ATG16L1: variants seen among roughly 807,000 people sequenced by gnomAD.
ATG16L1 encodes the protein autophagy related 16 like 1, also known as autophagy-related protein 16-1.
Under a neutral mutation model 88.5 loss-of-function variants are expected in ATG16L1, and 37 were observed. That is an observed-to-expected ratio of 0.42 (90% confidence interval 0.32 to 0.55). ATG16L1 has a LOEUF of 0.55. Among genes scored for constraint, ATG16L1 ranks in the 20% least tolerant of loss-of-function variants. ATG16L1 has a pLI of 0.13. For synonymous variants in ATG16L1, 301 were observed against 281.0 expected, an observed-to-expected ratio of 1.07 and a Z score of -0.71; for missense variants, 554 against 752.8, an observed-to-expected ratio of 0.74 and a Z score of 3.09.
chr2:233,295,116 G>T lies in ATG16L1; in HGVS notation c.*766G>T, dbSNP rs2125308713. 1 of 152,748 alleles carries T rather than the reference G, an allele frequency of 6.5e-6. No individual in the cohort carries two copies. Among genetic ancestry groups the T allele is most frequent in the East Asian group, 1.9e-4 (1 of 5,316 alleles). The allele number at this position is 152,748 out of a possible 1,614,324, so 9.5% of individuals were successfully genotyped here. The stretch of plus-strand genomic sequence containing the variant: ...GACACCCAGAAGGTGGGTGCACACT[G>T]CATGCTTGGGGGTGCCAAGGGATTC... On this transcript the variant is annotated 3_prime_UTR_variant, in exon 18 of 18. Transcript: ENST00000392017.
intron 5 of ATG16L1, among the ~76,000 whole-genome samples, chr2:233,268,945 A>G (rs1402299209): frequency 6.6e-6 from 1 of 152,202 alleles, no homozygotes; most frequent in East Asian, 1.9e-4. Context: ...CTAGAGTTCT[A>G]CATTAGGGGT....
intron 1 of ATG16L1, among the ~76,000 whole-genome samples, chr2:233,253,340 GTTTTTTTTTTT>G (rs56151049): frequency 9.2e-6 from 1 of 108,660 alleles, no homozygotes; most frequent in Non-Finnish European, 1.8e-5. Context: ...GGGTTTTTTT[GTTTTTTTTTTT>G]TTTTTTTTTT....
chr2:233,293,185 A>G (rs1699580386), intron 16 of ATG16L1, 71 bp from the exon 17 acceptor site: 1 of 1,326,880 alleles, frequency 7.5e-7, no homozygotes, highest in African/African-American at 1.4e-5. Flanking sequence ...CCTTCTTGGG[A>G]AAAAGGCCAC....
intron 2 of ATG16L1, among the ~76,000 whole-genome samples, chr2:233,261,943 A>T (rs947406422): frequency 1.3e-5 from 2 of 152,214 alleles, no homozygotes; most frequent in Admixed American, 6.5e-5. Context: ...TCTACATGTT[A>T]GCCTCCAGCT....
At chr2:233,282,228 A>G (rs1241734774) in intron 11 of ATG16L1, among the ~76,000 whole-genome samples, 1 of 152,222 alleles carries the variant, frequency 6.6e-6, no homozygotes, top group Non-Finnish European at 1.5e-5. Context: ...GTGCTTCTGC[A>G]GAGATGCAGA....
chr2:233,257,520 T>G (rs1696876653), intron 2 of ATG16L1, among the ~76,000 whole-genome samples: 1 of 152,206 alleles, frequency 6.6e-6, no homozygotes, highest in African/African-American at 2.4e-5. Context: ...TAGGCTAATG[T>G]AAGTGTAACC....
intron 1 of ATG16L1, among the ~76,000 whole-genome samples, chr2:233,255,035 G>A (rs779065842): frequency 2.0e-5 from 3 of 151,842 alleles, no homozygotes; most frequent in Non-Finnish European, 2.9e-5. Flanking sequence ...GTGCAGTGGC[G>A]CGATCTCAGC....
At chr2:233,276,561 A>G (rs1376164885) in intron 9 of ATG16L1, among the ~76,000 whole-genome samples, 1 of 152,174 alleles carries the variant, frequency 6.6e-6, no homozygotes, top group African/African-American at 2.4e-5. Flanking sequence ...TGCAGTCTCA[A>G]CCTTGGGCTG....
At chr2:233,289,801 A>G (rs1208278601) in intron 12 of ATG16L1, 53 bp from the exon 13 acceptor site, 11 of 1,598,542 alleles carry the variant, frequency 6.9e-6, no homozygotes, top group Non-Finnish European at 9.4e-6. Flanking sequence ...CTTTGCCAGC[A>G]TAGGCAGGGC....
At chr2:233,285,296 G>A (rs564978972) in intron 12 of ATG16L1, among the ~76,000 whole-genome samples, 1 of 152,346 alleles carries the variant, frequency 6.6e-6, no homozygotes, top group East Asian at 1.9e-4. Flanking sequence ...AGGAGAAGAG[G>A]AAGAAGTTGA....
intron 12 of ATG16L1, among the ~76,000 whole-genome samples, chr2:233,283,855 GT>G (rs1698894220): frequency 7.4e-6 from 1 of 135,856 alleles, no homozygotes; most frequent in Non-Finnish European, 1.6e-5. Flanking sequence ...TTCTTTTTTT[GT>G]TTTTTGAAGG....
At chr2:233,286,621 C>CTTTTTTT (rs10676895) in intron 12 of ATG16L1, among the ~76,000 whole-genome samples, 11 of 93,294 alleles carry the variant, frequency 1.2e-4, no homozygotes, top group African/African-American at 3.7e-4. Context: ...GAAGCCCAAA[C>CTTTTTTT]TTTTTTTTTT....
intron 12 of ATG16L1, among the ~76,000 whole-genome samples, chr2:233,284,864 T>G (rs1001337991): frequency 6.6e-6 from 1 of 152,218 alleles, no homozygotes; most frequent in African/African-American, 2.4e-5. Context: ...GAGGGTTGTA[T>G]AGATTATTAG....
At chr2:233,275,358 A>G (rs983335716) in intron 9 of ATG16L1, 3 of 231,052 alleles carry the variant, frequency 1.3e-5, no homozygotes, top group Non-Finnish European at 2.6e-5. Flanking sequence ...GGAAACATTC[A>G]GTACCTGGCT....
chr2:233,267,990 A>G (rs141423315), intron 5 of ATG16L1, among the ~76,000 whole-genome samples: 35 of 152,244 alleles, frequency 2.3e-4, no homozygotes, highest in African/African-American at 7.9e-4. Context: ...TTCCTGCGTC[A>G]TTACCCACTT....
At chr2:233,260,143 C>T (rs537205810) in intron 2 of ATG16L1, among the ~76,000 whole-genome samples, 2 of 152,318 alleles carry the variant, frequency 1.3e-5, no homozygotes, top group Admixed American at 6.5e-5. Flanking sequence ...CCTAATTAAC[C>T]GTAAAACACT....
At position 233,273,483 on chromosome 2, in the gene ATG16L1, A is replaced by G. The variant is rs528189345; in HGVS notation, c.795-238A>G. 2.1e-4 allele frequency: 116 copies of G among 544,688 alleles called. No individual in the cohort carries two copies. The South Asian group carries it at 2.8e-3, about 13-fold the overall frequency. The allele number at this position is 544,688 out of a possible 1,614,324, so 33.7% of individuals were successfully genotyped here. A position where few individuals can be genotyped will look rare whatever the true frequency, so the allele number is the denominator to read the frequency against. On this transcript the variant is annotated intron_variant, in intron 7 of 17. Transcript: ENST00000392017. Reference sequence around the variant, plus strand: ...GTTAGTTGTCTAATGCTTTATTTCCAGGGAAATTAATTTAATACTAGGGAA... The same window carrying G: ...GTTAGTTGTCTAATGCTTTATTTCCGGGGAAATTAATTTAATACTAGGGAA...
At chr2:233,260,800 T>G (rs1042462334) in intron 2 of ATG16L1, among the ~76,000 whole-genome samples, 16 of 152,112 alleles carry the variant, frequency 1.1e-4, no homozygotes, top group Non-Finnish European at 5.9e-5. Flanking sequence ...CTTGCCTCCA[T>G]TTTGCCCTTC....
At chr2:233,259,050 A>AGGTT (rs1344219944) in intron 2 of ATG16L1, among the ~76,000 whole-genome samples, 1 of 152,132 alleles carries the variant, frequency 6.6e-6, no homozygotes, top group Non-Finnish European at 1.5e-5. Context: ...CATTCAGCCC[A>AGGTT]CACACAGCAA....
Sources: gnomAD v4.1 joint callset for allele counts (sites outside exome capture counted in the v4.1 genomes callset) on GRCh38, gnomAD v4.1.1 for gene constraint, MANE v1.5 for transcripts, NCBI Gene and HGNC (gene_info 2026-07-23, HGNC 2026-07-21) for gene names.